The following HDAC4 variants were observed in gnomAD, a reference collection of about 807,000 sequenced individuals.
The protein encoded by HDAC4 is histone deacetylase 4.
HDAC4 carries 16 observed loss-of-function variants against 135.1 expected under a neutral mutation model. The ratio of observed to expected loss-of-function variants is 0.12; its 90% CI spans 0.08 to 0.18. The LOEUF is 0.18. HDAC4 is among the 10% of genes least tolerant of loss of function. The pLI is 1.00. For synonymous variants in HDAC4, 685 were observed against 653.4 expected (o/e 1.05, Z -0.74); for missense variants, 1,143 against 1,511.8 (o/e 0.76, Z 4.05).
chr2:239,068,378 A>C lies in HDAC4; in HGVS notation c.2869+111T>G, dbSNP rs2033797398. ...ACGGTCAGAACCTTGGTCATTAGTAAAAAGGTGCCCTTCCTTATCTCGTTA... is the reference window on the plus strand; with the variant it reads ...ACGGTCAGAACCTTGGTCATTAGTACAAAGGTGCCCTTCCTTATCTCGTTA... On this transcript the variant is annotated intron_variant, in intron 23 of 26. Transcript: ENST00000543185. This position sits in a 1 kb window ranked among gnomAD's most constrained non-coding sequence, Gnocchi z 4.4. 1 of 804,576 alleles carries C rather than the reference A, an allele frequency of 1.2e-6. No individual in the cohort carries two copies. Among genetic ancestry groups the C allele is most frequent in the Admixed American group, 1.9e-5 (1 of 53,496 alleles). 49.8% of individuals were successfully genotyped at this position (804,576 alleles called of 1,614,324 possible). A position where few individuals can be genotyped will look rare whatever the true frequency, so the allele number is the denominator to read the frequency against.
intron 1 of HDAC4, among the ~76,000 whole-genome samples, chr2:239,398,805 T>C (rs1035807239): frequency 2.0e-5 from 3 of 152,192 alleles, no homozygotes. Flanking sequence ...CCAGTCATCT[T>C]CCCTCCACCC....
chr2:239,354,305 C>T (rs1318367057), intron 1 of HDAC4, among the ~76,000 whole-genome samples: 5 of 152,208 alleles, frequency 3.3e-5, no homozygotes, highest in African/African-American at 4.8e-5. Context: ...TCAGGAGCTT[C>T]GGATGAGCCT....
At chr2:239,272,877 C>T (rs1029523642) in intron 2 of HDAC4, among the ~76,000 whole-genome samples, 1 of 152,204 alleles carries the variant, frequency 6.6e-6, no homozygotes, top group Admixed American at 6.5e-5. Flanking sequence ...GCCCTCTCGT[C>T]CCAAGCTGTC....
At chr2:239,162,585 CCT>C (rs2042878092) in intron 6 of HDAC4, among the ~76,000 whole-genome samples, 2 of 152,248 alleles carry the variant, frequency 1.3e-5, no homozygotes, top group Non-Finnish European at 2.9e-5. Context: ...GAAGCCACCT[CCT>C]CTCTCAGGTC....
At chr2:239,179,010 GGTGTGTGTGC>G in intron 4 of HDAC4, among the ~76,000 whole-genome samples, 1 of 151,652 alleles carries the variant, frequency 6.6e-6, no homozygotes, top group Non-Finnish European at 1.5e-5. Context: ...CATAGAGTGG[GGTGTGTGTGC>G]GAGGCAGCCA....
At chr2:239,300,130 A>G (rs576219652) in intron 2 of HDAC4, among the ~76,000 whole-genome samples, 153 of 152,270 alleles carry the variant, frequency 1.0e-3, no homozygotes, top group African/African-American at 3.5e-3. Context: ...AGGAGCATAA[A>G]TTCAGCAACA....
intron 2 of HDAC4, among the ~76,000 whole-genome samples, chr2:239,268,530 C>T (rs574990114): frequency 6.6e-6 from 1 of 152,386 alleles, no homozygotes; most frequent in African/African-American, 2.4e-5. Flanking sequence ...TTCTTCCCTG[C>T]TGGCTTTTAC....
intron 1 of HDAC4, among the ~76,000 whole-genome samples, chr2:239,363,821 C>A (rs1380703153): frequency 2.5e-4 from 38 of 152,188 alleles, no homozygotes; most frequent in Admixed American, 2.5e-3. Flanking sequence ...CACACATACA[C>A]CCAGCAAGGG....
At chr2:239,197,544 G>C (rs2045472876) in intron 3 of HDAC4, among the ~76,000 whole-genome samples, 1 of 152,108 alleles carries the variant, frequency 6.6e-6, no homozygotes, top group African/African-American at 2.4e-5. Context: ...TCTCCTTCTG[G>C]AACTTCTACC....
At chr2:239,250,953 A>G (rs1298763228) in intron 2 of HDAC4, among the ~76,000 whole-genome samples, 1 of 152,086 alleles carries the variant, frequency 6.6e-6, no homozygotes, top group East Asian at 1.9e-4. Flanking sequence ...TGCCCCCGCC[A>G]CACGCCTGGT....
chr2:239,143,794 G>A (rs1282262687), intron 8 of HDAC4, among the ~76,000 whole-genome samples: 1 of 152,238 alleles, frequency 6.6e-6, no homozygotes, highest in Non-Finnish European at 1.5e-5. Context: ...GTGGAACTGT[G>A]CCTTTCACAG....
intron 2 of HDAC4, among the ~76,000 whole-genome samples, chr2:239,304,301 G>C (rs181455430): frequency 6.6e-6 from 1 of 152,298 alleles, no homozygotes; most frequent in Admixed American, 6.5e-5. Flanking sequence ...AGCAGTACCT[G>C]TTGCAATATT....
intron 1 of HDAC4, among the ~76,000 whole-genome samples, chr2:239,391,414 A>G (rs985959274): frequency 1.3e-5 from 2 of 152,198 alleles, no homozygotes; most frequent in African/African-American, 2.4e-5. Context: ...GGAGCTTCAG[A>G]AAGTCCTGCA....
chr2:239,228,762 T>C (rs2047382688), intron 3 of HDAC4, among the ~76,000 whole-genome samples: 1 of 152,072 alleles, frequency 6.6e-6, no homozygotes, highest in Non-Finnish European at 1.5e-5. Flanking sequence ...AATTGGAACT[T>C]GAGGATTACT....
At chr2:239,144,359 G>C (rs2041610520) in intron 8 of HDAC4, among the ~76,000 whole-genome samples, 1 of 152,188 alleles carries the variant, frequency 6.6e-6, no homozygotes, top group African/African-American at 2.4e-5. Context: ...AACCAGCTCT[G>C]AGTCACTAAT....
chr2:239,099,072 G>C (rs1168389659), intron 16 of HDAC4, among the ~76,000 whole-genome samples: 1 of 152,218 alleles, frequency 6.6e-6, no homozygotes, highest in Non-Finnish European at 1.5e-5. Context: ...AAACAAGAAA[G>C]GGGTCTTCCT....
rs573253759 is a variant in HDAC4, at chr2:239,090,945, CAT to C, written c.2281-831_2281-830del. 9.2e-4 allele frequency among the ~76,000 whole-genome samples: 140 copies of C among 152,350 alleles called. 1 individual carries two copies. Among genetic ancestry groups the C allele is most frequent in the African/African-American group, 3.3e-3 (136 of 41,598 alleles). The stretch of plus-strand genomic sequence containing the variant: ...GTGCCGAGTTTAACTGGAAGCTCCA[CAT>C]GTTGACCAGCGTAGCTAAGCGGGAC... On this transcript the variant is annotated intron_variant, in intron 17 of 26. Transcript: ENST00000543185.
chr2:239,108,299 G>T, intron 14 of HDAC4, 116 bp from the exon 15 acceptor site: 1 of 1,279,390 alleles, frequency 7.8e-7, no homozygotes. Context: ...GGAGACGGAA[G>T]CTGGGACGGT....
At chr2:239,086,796 C>CTT (rs2036011758) in intron 19 of HDAC4, among the ~76,000 whole-genome samples, 2 of 152,250 alleles carry the variant, frequency 1.3e-5, no homozygotes, top group African/African-American at 4.8e-5. Context: ...CCCTATGCCA[C>CTT]CTCCTCCTCA....
Sources: gnomAD v4.1 joint callset for allele counts (sites outside exome capture counted in the v4.1 genomes callset) on GRCh38, gnomAD v4.1.1 for gene constraint, Gnocchi (gnomAD v3.1) non-coding constraint, MANE v1.5 for transcripts, NCBI Gene and HGNC (gene_info 2026-07-23, HGNC 2026-07-21) for gene names.